Variants in CDC42BPA observed in about 807,000 individuals in gnomAD.
The protein encoded by CDC42BPA is CDC42 binding protein kinase alpha, also known as serine/threonine-protein kinase MRCK alpha.
Under a neutral mutation model 223.5 loss-of-function variants are expected in CDC42BPA, and 80 were observed. The ratio of observed to expected loss-of-function variants is 0.36; its 90% CI spans 0.30 to 0.43. The LOEUF (loss-of-function observed/expected upper bound fraction) is 0.43, where lower values mean the gene tolerates loss of function less well. Among genes scored for constraint, CDC42BPA ranks in the 20% least tolerant of loss-of-function variants. CDC42BPA has a pLI of 1.00. For missense variants in CDC42BPA, 1,743 were observed against 2,099.9 expected (o/e 0.83, Z 3.32); for synonymous variants, 694 against 718.6 (o/e 0.97, Z 0.55).
intron 5 of CDC42BPA, among the ~76,000 whole-genome samples, chr1:227,186,694 C>A (rs977736681): frequency 6.6e-6 from 1 of 152,160 alleles, no homozygotes; most frequent in Non-Finnish European, 1.5e-5. Flanking sequence ...CCACTTACTG[C>A]AATTCCTTTT....
At chr1:227,115,732 CAA>C (rs1416013179) in intron 12 of CDC42BPA, among the ~76,000 whole-genome samples, 1 of 151,430 alleles carries the variant, frequency 6.6e-6, no homozygotes, top group African/African-American at 2.4e-5. Context: ...TAGAAGTCAA[CAA>C]AAAAAGATAA....
chr1:227,216,187 A>G (rs938560981), intron 2 of CDC42BPA, among the ~76,000 whole-genome samples: 30 of 152,152 alleles, frequency 2.0e-4, no homozygotes, highest in African/African-American at 7.0e-4. Flanking sequence ...TTATCAAAAG[A>G]TCAGGTATTT....
chr1:227,061,124 A>G (rs1028907068), intron 21 of CDC42BPA, among the ~76,000 whole-genome samples: 1 of 152,172 alleles, frequency 6.6e-6, no homozygotes, highest in Non-Finnish European at 1.5e-5. Flanking sequence ...GGAGAGTTCT[A>G]AAGAAGTTTT....
chr1:227,026,605 A>G (rs1201864069), intron 30 of CDC42BPA, among the ~76,000 whole-genome samples: 1 of 152,246 alleles, frequency 6.6e-6, no homozygotes, highest in Non-Finnish European at 1.5e-5. Context: ...CTCAATATAC[A>G]CTTGTTGAAA....
At chr1:227,147,767 T>C (rs183928118) in intron 6 of CDC42BPA, among the ~76,000 whole-genome samples, 130 of 152,250 alleles carry the variant, frequency 8.5e-4, no homozygotes, top group Admixed American at 1.2e-3. Context: ...AGAACTTTTA[T>C]TATAGTGTTA....
chr1:227,170,328 T>C (rs1558666823), intron 5 of CDC42BPA, among the ~76,000 whole-genome samples: 1 of 152,072 alleles, frequency 6.6e-6, no homozygotes, highest in Non-Finnish European at 1.5e-5. Flanking sequence ...ACCAATTGGC[T>C]AGCTATGTGT....
intron 5 of CDC42BPA, among the ~76,000 whole-genome samples, chr1:227,171,539 C>T (rs1045542253): frequency 6.6e-6 from 1 of 152,100 alleles, no homozygotes; most frequent in Non-Finnish European, 1.5e-5. Context: ...ATCACCTGTG[C>T]CCAGGAGGTC....
Position 227,075,987 on chromosome 1 carries a change from A to G in CDC42BPA, c.2481-1623T>C, listed in dbSNP as rs73093456. ...TTTTCTAACTTTGCTTTTTATTTAC[A>G]TGTTGAACACATTACATGTTGAACA... On this transcript the variant is annotated intron_variant, in intron 17 of 36. Transcript: ENST00000366766. Among the ~76,000 whole-genome samples the G allele has an allele frequency of 9.2e-3, 1,404 of 152,252 alleles. 23 individuals are homozygous for G. Among genetic ancestry groups the G allele is most frequent in the African/African-American group, 0.032 (1,341 of 41,560 alleles).
intron 1 of CDC42BPA, among the ~76,000 whole-genome samples, chr1:227,285,937 T>A (rs1017859821): frequency 3.3e-5 from 5 of 152,218 alleles, no homozygotes; most frequent in African/African-American, 1.2e-4. Flanking sequence ...ACAAGGCAGT[T>A]GAAGCCCTAG....
intron 1 of CDC42BPA, among the ~76,000 whole-genome samples, chr1:227,270,131 G>C (rs557084078): frequency 6.6e-6 from 1 of 152,154 alleles, no homozygotes; most frequent in African/African-American, 2.4e-5. Context: ...AAATGAAGTA[G>C]ACCCACATGA....
intron 5 of CDC42BPA, among the ~76,000 whole-genome samples, chr1:227,178,737 C>T (rs1443105807): frequency 1.3e-5 from 2 of 152,154 alleles, no homozygotes; most frequent in South Asian, 2.1e-4. Flanking sequence ...TCAGGTGATC[C>T]GCCCACCTTG....
rs1309498246 is a variant in CDC42BPA at position 227,230,812 on chromosome 1, C to CTT, written c.271-17595_271-17594dup. 1.4e-3 allele frequency among the ~76,000 whole-genome samples: 157 copies of CTT among 111,718 alleles called. 8 individuals are homozygous for CTT. Among genetic ancestry groups the CTT allele is most frequent in the African/African-American group, 2.6e-3 (81 of 31,748 alleles). 73.3% of individuals were successfully genotyped at this position (111,718 alleles called of 152,430 possible). A position where few individuals can be genotyped will look rare whatever the true frequency, so the allele number is the denominator to read the frequency against. ...GCTAACTGATTTCTATTTCTTTTTTCTTTCTTTCTTTTTTTTTTTTTTTTT... is the reference window on the plus strand; with the variant it reads ...GCTAACTGATTTCTATTTCTTTTTTCTTTTTCTTTCTTTTTTTTTTTTTTTTT... On this transcript the variant is annotated intron_variant, in intron 2 of 36. Transcript: ENST00000366766.
At chr1:227,193,698 A>C (rs1295758120) in intron 5 of CDC42BPA, 88 bp downstream of exon 5, 1 of 1,085,558 alleles carries the variant, frequency 9.2e-7, no homozygotes, top group Admixed American at 2.6e-5. Context: ...ATCCAAGACC[A>C]TAATTAATAA....
intron 1 of CDC42BPA, among the ~76,000 whole-genome samples, chr1:227,316,439 TTTTTAAA>T (rs1221556583): frequency 1.3e-5 from 2 of 152,198 alleles, no homozygotes; most frequent in Non-Finnish European, 2.9e-5. Context: ...TATCACAAGA[TTTTTAAA>T]CTATGTCATT....
At chr1:227,193,162 G>C (rs10799403) in intron 5 of CDC42BPA, among the ~76,000 whole-genome samples, 1 of 146,278 alleles carries the variant, frequency 6.8e-6, no homozygotes, top group South Asian at 2.2e-4. Flanking sequence ...TCCGCCTCCC[G>C]GGTTCACGCC....
At chr1:227,302,942 T>C (rs1316159563) in intron 1 of CDC42BPA, among the ~76,000 whole-genome samples, 2 of 152,016 alleles carry the variant, frequency 1.3e-5, no homozygotes, top group African/African-American at 2.4e-5. Context: ...CCTGACTTCA[T>C]GATTGCAGGA....
chr1:227,308,263 T>C (rs1692902566), intron 1 of CDC42BPA, among the ~76,000 whole-genome samples: 1 of 152,262 alleles, frequency 6.6e-6, no homozygotes, highest in African/African-American at 2.4e-5. Context: ...CCCAGCACTT[T>C]GGGAGACCTA....
At chr1:227,168,497 G>GTGTTGTTTTTTT (rs1302291274) in intron 5 of CDC42BPA, among the ~76,000 whole-genome samples, 1 of 80,196 alleles carries the variant, frequency 1.2e-5, no homozygotes. Flanking sequence ...CTTCCCTGGT[G>GTGTTGTTTTTTT]TTTTTTTTTT....
chr1:227,037,251 T>C (rs1366209762), intron 24 of CDC42BPA, among the ~76,000 whole-genome samples: 2 of 152,214 alleles, frequency 1.3e-5, no homozygotes, highest in East Asian at 3.8e-4. Flanking sequence ...TAGTCAACAA[T>C]ACAGGCGATT....
Sources: allele counts gnomAD v4.1 joint callset (sites outside exome capture counted in the v4.1 genomes callset), GRCh38; gene constraint gnomAD v4.1.1; transcripts MANE v1.5; gene names NCBI Gene and HGNC (gene_info 2026-07-23, HGNC 2026-07-21).